The following VRK1 variants were observed in gnomAD, a reference collection of about 807,000 sequenced individuals.
VRK1 encodes the protein serine/threonine-protein kinase VRK1.
In VRK1, 33 loss-of-function variants were observed where a neutral mutation model predicts 57.1. The ratio of observed to expected loss-of-function variants is 0.58; its 90% CI spans 0.44 to 0.77. The LOEUF is 0.77. VRK1 is among the 30% of genes least tolerant of loss of function. The probability of loss-of-function intolerance (pLI) is 0.00; values close to 1 mark genes in which losing one functional copy is unlikely to be tolerated. For missense variants in VRK1, 413 were observed against 477.3 expected, an observed-to-expected ratio of 0.87 and a Z score of 1.25; for synonymous variants, 137 against 147.8, an observed-to-expected ratio of 0.93 and a Z score of 0.53.
At chr14:96,797,758 T>C (rs1222647281) in intron 1 of VRK1, among the ~76,000 whole-genome samples, 2 of 152,096 alleles carry the variant, frequency 1.3e-5, no homozygotes, top group African/African-American at 4.8e-5. Flanking sequence ...GCGGCCGAGC[T>C]CGCAAACGCC....
chr14:96,859,661 T>TTGTG (rs746643098), intron 10 of VRK1, among the ~76,000 whole-genome samples: 2 of 151,536 alleles, frequency 1.3e-5, no homozygotes, highest in Admixed American at 6.6e-5. Context: ...ATGCACACGC[T>TTGTG]TGTGTGTGTG....
intron 3 of VRK1, among the ~76,000 whole-genome samples, chr14:96,841,607 C>T (rs757292287): frequency 6.6e-6 from 1 of 152,086 alleles, no homozygotes. Flanking sequence ...ATCATAATCC[C>T]AACACTTCGA....
intron 10 of VRK1, among the ~76,000 whole-genome samples, chr14:96,859,896 A>G (rs1361984412): frequency 6.6e-6 from 1 of 152,218 alleles, no homozygotes; most frequent in Non-Finnish European, 1.5e-5. Flanking sequence ...TGATGGATAT[A>G]CAAGTCTGGA....
intron 1 of VRK1, among the ~76,000 whole-genome samples, chr14:96,806,106 C>T (rs779044678): frequency 1.8e-4 from 28 of 151,964 alleles, no homozygotes; most frequent in Non-Finnish European, 1.5e-4. Context: ...TGTGAGCAGG[C>T]ATACTGCCAT....
chr14:96,839,878 C>G lies in VRK1; in HGVS notation c.216+2061C>G, dbSNP rs190179882. Among the ~76,000 whole-genome samples the G allele has an allele frequency of 2.2e-3, 333 of 152,052 alleles. 1 individual carries two copies. Among genetic ancestry groups the G allele is most frequent in the South Asian group, 3.7e-3 (18 of 4,810 alleles). On this transcript the variant is annotated intron_variant, in intron 3 of 12. Transcript: ENST00000216639. ...TGAATCACAGGGTTTTTCTCCTTTC[C>G]TCTGTCAATGTGGCAATTACATTGA... is the stretch of plus-strand genomic sequence containing the variant.
chr14:96,856,048 T>G, intron 8 of VRK1, 82 bp from the exon 9 acceptor site: 1 of 1,504,308 alleles, frequency 6.6e-7, no homozygotes, highest in South Asian at 1.2e-5. Flanking sequence ...TGACTTGTTT[T>G]ATGTTATTAC....
At chr14:96,808,025 G>GCCC (rs1566683653) in intron 1 of VRK1, among the ~76,000 whole-genome samples, 1 of 35,726 alleles carries the variant, frequency 2.8e-5, no homozygotes, top group East Asian at 2.9e-3. Flanking sequence ...CTCTGTGTGT[G>GCCC]TGTGTGTGTG....
At chr14:96,807,802 AC>A (rs1566683281) in intron 1 of VRK1, among the ~76,000 whole-genome samples, 1 of 152,166 alleles carries the variant, frequency 6.6e-6, no homozygotes, top group Non-Finnish European at 1.5e-5. Flanking sequence ...ACTAACTGCA[AC>A]TTTTAAAGAT....
At chr14:96,876,192 G>C in intron 12 of VRK1, 72 bp downstream of exon 12, 1 of 1,420,812 alleles carries the variant, frequency 7.0e-7, no homozygotes, top group African/African-American at 1.4e-5. Context: ...TTAGATGAGG[G>C]GTCAACTATT....
intron 4 of VRK1, 33 bp from the exon 5 acceptor site, chr14:96,847,224 A>C: frequency 6.3e-7 from 1 of 1,575,670 alleles, no homozygotes; most frequent in Non-Finnish European, 8.7e-7. Flanking sequence ...ATGTATAACA[A>C]TTGAAATCAC....
intron 1 of VRK1, among the ~76,000 whole-genome samples, chr14:96,807,944 T>TCTCTCTCTCTGTCTCTCCCTCC (rs1885948257): frequency 6.6e-6 from 1 of 151,528 alleles, no homozygotes; most frequent in Non-Finnish European, 1.5e-5. Context: ...TCTTTCTCTG[T>TCTCTCTCTCTGTCTCTCCCTCC]CTCTCTCTCT....
intron 1 of VRK1, among the ~76,000 whole-genome samples, chr14:96,797,922 G>C (rs1885503627): frequency 6.6e-6 from 1 of 152,218 alleles, no homozygotes; most frequent in South Asian, 2.1e-4. Context: ...TCTTAGAAAC[G>C]GGACAGGCAG....
chr14:96,832,522 G>C (rs1887047151), intron 1 of VRK1, among the ~76,000 whole-genome samples: 1 of 152,128 alleles, frequency 6.6e-6, no homozygotes. Flanking sequence ...AGTTACACCT[G>C]AGGGCACTTG....
At chr14:96,828,496 C>T (rs1257118797) in intron 1 of VRK1, among the ~76,000 whole-genome samples, 2 of 152,122 alleles carry the variant, frequency 1.3e-5, no homozygotes, top group Non-Finnish European at 1.5e-5. Flanking sequence ...AATATTGATA[C>T]TTAAACAGAT....
At chr14:96,811,415 C>T (rs974240056) in intron 1 of VRK1, among the ~76,000 whole-genome samples, 1 of 152,174 alleles carries the variant, frequency 6.6e-6, no homozygotes, top group Admixed American at 6.5e-5. Context: ...CCTTCAGTTT[C>T]GTACTTGAAC....
At chr14:96,864,797 C>G (rs182636344) in intron 11 of VRK1, among the ~76,000 whole-genome samples, 1 of 152,066 alleles carries the variant, frequency 6.6e-6, no homozygotes, top group Admixed American at 6.6e-5. Flanking sequence ...TGGACGTGCA[C>G]TGATTTGTTT....
In VRK1 at chr14:96,852,913, A is replaced by C; in HGVS notation, c.457A>C (p.Thr153Pro). Residue 153 changes from threonine to proline, a missense_variant, in exon 6 of 13, where the codon ACT becomes CCT. Thr to Pro is a conservative substitution (Grantham distance 38). Transcript: ENST00000216639. ...AAATGCCAAAAGGTTTTCTCGGAAAACTGTCTTGCAGCTAAGCTTAAGAAT... is the reference window on the plus strand; with the variant it reads ...AAATGCCAAAAGGTTTTCTCGGAAACCTGTCTTGCAGCTAAGCTTAAGAAT... The part of the protein sequence containing the change: ...EANAKRFSRK[T>P]VLQLSLRILD... 1 of 1,613,846 alleles carries C rather than the reference A, an allele frequency of 6.2e-7. No individual in the cohort carries two copies. Among genetic ancestry groups the C allele is most frequent in the Non-Finnish European group, 8.5e-7 (1 of 1,179,862 alleles).
chr14:96,853,747 TG>T (rs1364543400), intron 7 of VRK1, among the ~76,000 whole-genome samples: 1 of 152,084 alleles, frequency 6.6e-6, no homozygotes, highest in Non-Finnish European at 1.5e-5. Flanking sequence ...TCAGTTTAGT[TG>T]AAGTAGAGGG....
At chr14:96,879,060 G>A (rs1172875533) in intron 12 of VRK1, among the ~76,000 whole-genome samples, 1 of 151,896 alleles carries the variant, frequency 6.6e-6, no homozygotes, top group Non-Finnish European at 1.5e-5. Flanking sequence ...ATTTTTAAGG[G>A]AACCCTACAA....
Sources: allele counts gnomAD v4.1 joint callset (sites outside exome capture counted in the v4.1 genomes callset), GRCh38; gene constraint gnomAD v4.1.1; transcripts MANE v1.5; gene names NCBI Gene and HGNC (gene_info 2026-07-23, HGNC 2026-07-21).